HACE1: variants seen among roughly 807,000 people sequenced by gnomAD.
The protein encoded by HACE1 is E3 ubiquitin-protein ligase HACE1.
Under a neutral mutation model 118.4 loss-of-function variants are expected in HACE1, and 73 were observed. The observed-to-expected ratio is 0.62, with a 90% confidence interval of 0.51 to 0.75. The LOEUF (loss-of-function observed/expected upper bound fraction) is 0.75. HACE1 is among the 30% of genes least tolerant of loss of function. The pLI is 0.00. For synonymous variants in HACE1, 368 were observed against 374.8 expected (o/e 0.98, Z 0.21); for missense variants, 749 against 1,102.2 (o/e 0.68, Z 4.54).
chr6:104,788,560 G>A (rs1458067587), intron 11 of HACE1, among the ~76,000 whole-genome samples: 1 of 152,050 alleles, frequency 6.6e-6, no homozygotes, highest in African/African-American at 2.4e-5. Flanking sequence ...AATGTCAAAT[G>A]CCACAACCCA....
In HACE1 at chr6:104,771,297, C is replaced by T. The variant is rs1420737401; in HGVS notation, c.2107G>A (p.Gly703Ser). ...WILDNDISDLGLELTFSVETD... is the reference protein window; with the variant it reads ...WILDNDISDLSLELTFSVETD... ...TCAACAGAAAAAGTTAGTTCTAGACCCAGATCACTTATATCATTATCTAAA... is the reference window on the plus strand; with the variant it reads ...TCAACAGAAAAAGTTAGTTCTAGACTCAGATCACTTATATCATTATCTAAA... The change falls in exon 19 of 24, where the codon GGT (glycine) becomes AGT (serine). Residue 703 changes from glycine (G) to serine (S), a missense_variant. Around this residue, in one of 5 missense-constraint regions of HACE1, gnomAD observed 195 missense variants for 322.1 expected, o/e 0.61. Coordinates refer to ENST00000262903, the MANE Select transcript of HACE1 (RefSeq NM_020771.4). The T allele has an allele frequency of 6.2e-7, 1 of 1,611,794 alleles. No homozygotes were observed. Among genetic ancestry groups the T allele is most frequent in the Non-Finnish European group, 8.5e-7 (1 of 1,177,954 alleles).
intron 14 of HACE1, among the ~76,000 whole-genome samples, chr6:104,779,546 A>G (rs9486010): frequency 0.14 from 21,846 of 152,142 alleles, 1,622 homozygotes; most frequent in African/African-American, 0.19. Flanking sequence ...ATTACTGTGC[A>G]TATAAATTAA....
chr6:104,852,240 C>T (rs182884559), intron 2 of HACE1, 77 bp downstream of exon 2: 24 of 807,394 alleles, frequency 3.0e-5, no homozygotes, highest in South Asian at 6.8e-5. Context: ...CGCGCGTGCG[C>T]GTGCACGGGC....
chr6:104,748,157 A>G (rs969124570), intron 20 of HACE1, among the ~76,000 whole-genome samples: 1 of 152,102 alleles, frequency 6.6e-6, no homozygotes, highest in African/African-American at 2.4e-5. Flanking sequence ...TATTCACTGA[A>G]AAGACCTGAG....
chr6:104,767,706 G>A (rs1477823670), intron 19 of HACE1, among the ~76,000 whole-genome samples: 1 of 151,998 alleles, frequency 6.6e-6, no homozygotes, highest in Non-Finnish European at 1.5e-5. Flanking sequence ...TTCCATCTAA[G>A]CTAAGCTCCA....
In HACE1 at chr6:104,795,632, CT is replaced by C. The variant is rs1554244625; in HGVS notation, c.869del (p.Lys290ArgfsTer3). 1 of 1,613,454 alleles carries C rather than the reference CT, an allele frequency of 6.2e-7. No individual in the cohort carries two copies. Among genetic ancestry groups the C allele is most frequent in the Non-Finnish European group, 8.5e-7 (1 of 1,179,456 alleles). On this transcript the variant is annotated frameshift_variant, in exon 10 of 24. Transcript: ENST00000262903. LOFTEE classifies it high-confidence loss of function. ...CAACTTCAGCAAGGCTTGTTAGAAT[CT>C]TTAGGTACTGGCTTTCACTTTGCTG... is the stretch of plus-strand genomic sequence containing the variant. ...LSQQSESQYL[K>X]ILTSLAEVAT...
chr6:104,734,136 C>T (rs1447436772), intron 22 of HACE1, among the ~76,000 whole-genome samples: 2 of 96,346 alleles, frequency 2.1e-5, no homozygotes, highest in African/African-American at 5.2e-5. Context: ...GAGCAAGACT[C>T]TTCCTCAAAA....
intron 7 of HACE1, among the ~76,000 whole-genome samples, chr6:104,802,816 G>C (rs150737119): frequency 6.6e-6 from 1 of 152,226 alleles, no homozygotes; most frequent in African/African-American, 2.4e-5. Flanking sequence ...AGAGAAGCAA[G>C]AGCAAACACA....
intron 22 of HACE1, 105 bp from the exon 23 acceptor site, chr6:104,730,521 A>T: frequency 2.8e-6 from 2 of 705,222 alleles, no homozygotes; most frequent in Admixed American, 4.0e-5. Context: ...ACTCTAGGAC[A>T]ATGACAACAC....
intron 20 of HACE1, among the ~76,000 whole-genome samples, chr6:104,748,452 G>A (rs1482189970): frequency 2.6e-5 from 4 of 152,256 alleles, no homozygotes; most frequent in Non-Finnish European, 5.9e-5. Flanking sequence ...TGAGAATGCA[G>A]AACACCCAGA....
chr6:104,809,366 A>G (rs1771356269), intron 7 of HACE1, among the ~76,000 whole-genome samples: 1 of 152,186 alleles, frequency 6.6e-6, no homozygotes, highest in Admixed American at 6.5e-5. Context: ...CCTTCCTAAA[A>G]AGTTACTTAA....
At chr6:104,841,820 G>A (rs902398279) in intron 5 of HACE1, among the ~76,000 whole-genome samples, 1 of 152,054 alleles carries the variant, frequency 6.6e-6, no homozygotes, top group Admixed American at 6.5e-5. Flanking sequence ...CTACTCAACA[G>A]TAACATAATT....
Position 104,796,709 on chromosome 6 carries a change from C to G in HACE1, c.762G>C (p.Arg254Ser). ...TCATTTGAATAATAGTCTGAAAAAG[C>G]CTCGGGTGATATTGAATTAATACTT... ...TCEVLIQYHPRLFQTIIQMTQ... is the reference protein window; with the variant it reads ...TCEVLIQYHPSLFQTIIQMTQ... Residue 254 changes from arginine to serine, a missense_variant, in exon 9 of 24, where the codon AGG (arginine) becomes AGC (serine). Arg to Ser is a moderately radical substitution (Grantham distance 110, BLOSUM62 -1). Around this residue, in one of 5 missense-constraint regions of HACE1, gnomAD observed 267 missense variants for 312.2 expected, o/e 0.86. Coordinates refer to ENST00000262903, the MANE Select transcript of HACE1 (RefSeq NM_020771.4). The G allele has an allele frequency of 6.3e-7, 1 of 1,595,464 alleles. No individual in the cohort carries two copies. Among genetic ancestry groups the G allele is most frequent in the Non-Finnish European group, 8.6e-7 (1 of 1,163,838 alleles).
intron 7 of HACE1, among the ~76,000 whole-genome samples, chr6:104,801,447 A>C (rs899574559): frequency 6.6e-6 from 1 of 152,210 alleles, no homozygotes; most frequent in Non-Finnish European, 1.5e-5. Context: ...GAAGGAAAAA[A>C]TATTAAGGGC....
chr6:104,838,927 A>G (rs1774820087), intron 5 of HACE1, among the ~76,000 whole-genome samples: 1 of 151,568 alleles, frequency 6.6e-6, no homozygotes, highest in Admixed American at 6.6e-5. Flanking sequence ...TTTTGATTAA[A>G]AAAAGAATGA....
At chr6:104,806,267 G>A (rs988944179) in intron 7 of HACE1, among the ~76,000 whole-genome samples, 10 of 152,206 alleles carry the variant, frequency 6.6e-5, no homozygotes, top group African/African-American at 1.9e-4. Flanking sequence ...TTGAAGACCC[G>A]CTTGGATGAC....
At chr6:104,823,276 A>T (rs989074851) in intron 6 of HACE1, among the ~76,000 whole-genome samples, 1 of 152,128 alleles carries the variant, frequency 6.6e-6, no homozygotes, top group Admixed American at 6.5e-5. Context: ...TCTACTAAAA[A>T]TACAAAAATT....
chr6:104,843,519 C>G (rs966779537), intron 4 of HACE1, among the ~76,000 whole-genome samples: 1 of 152,280 alleles, frequency 6.6e-6, no homozygotes, highest in Middle Eastern at 3.4e-3. Flanking sequence ...AACAATGACA[C>G]AGTCAGGTTT....
chr6:104,844,180 G>A (rs1182522927), intron 4 of HACE1, among the ~76,000 whole-genome samples: 3 of 150,788 alleles, frequency 2.0e-5, no homozygotes, highest in Admixed American at 6.6e-5. Flanking sequence ...TAGGATTTCA[G>A]GCGCATGCCA....
Sources: allele counts gnomAD v4.1 joint callset (sites outside exome capture counted in the v4.1 genomes callset), GRCh38; gene constraint gnomAD v4.1.1; regional missense constraint gnomAD v4.1.1; transcripts MANE v1.5; gene names NCBI Gene and HGNC (gene_info 2026-07-23, HGNC 2026-07-21).